Variants in GNAQ observed in about 807,000 individuals in gnomAD.
GNAQ encodes guanine nucleotide-binding protein G(q) subunit alpha.
GNAQ carries 8 observed loss-of-function variants against 43.9 expected under a neutral mutation model. The ratio of observed to expected loss-of-function variants is 0.18; its 90% CI spans 0.11 to 0.33. The LOEUF (loss-of-function observed/expected upper bound fraction) is 0.33. Among genes scored for constraint, GNAQ ranks in the 10% least tolerant of loss-of-function variants. The pLI is 1.00. For missense variants in GNAQ, 158 were observed against 450.8 expected (o/e 0.35, Z 5.88); for synonymous variants, 155 against 170.7 (o/e 0.91, Z 0.71).
chr9:77,839,970 TTTA>T (rs1355378708), intron 2 of GNAQ, among the ~76,000 whole-genome samples: 1 of 152,210 alleles, frequency 6.6e-6, no homozygotes, highest in Non-Finnish European at 1.5e-5. Context: ...TTTGGACTGT[TTTA>T]TTTTCTTCAC....
intron 2 of GNAQ, among the ~76,000 whole-genome samples, chr9:77,871,067 C>A (rs187618807): frequency 3.5e-4 from 53 of 152,250 alleles, no homozygotes; most frequent in Non-Finnish European, 6.6e-4. Context: ...TAACACCTCA[C>A]AGTGTACACT....
At chr9:77,740,379 T>C (rs1435104873) in intron 5 of GNAQ, among the ~76,000 whole-genome samples, 1 of 152,200 alleles carries the variant, frequency 6.6e-6, no homozygotes, top group Non-Finnish European at 1.5e-5. Context: ...CACCAAAGAC[T>C]GTAAGCATAT....
intron 2 of GNAQ, among the ~76,000 whole-genome samples, chr9:77,917,219 A>C (rs2118251465): frequency 6.6e-6 from 1 of 152,352 alleles, no homozygotes; most frequent in South Asian, 2.1e-4. Flanking sequence ...CCAAACCCTG[A>C]GATCCACTCC....
At chr9:77,902,045 C>T (rs952222899) in intron 2 of GNAQ, among the ~76,000 whole-genome samples, 25 of 152,196 alleles carry the variant, frequency 1.6e-4, no homozygotes, top group African/African-American at 5.8e-4. Flanking sequence ...AGGATCTCAA[C>T]ATACAAATTT....
chr9:78,031,788 C>G lies in GNAQ; in HGVS notation c.-553G>C, dbSNP rs1211004919. On this transcript the variant is annotated 5_prime_UTR_variant, in exon 1 of 7. Coordinates refer to ENST00000286548, the MANE Select transcript of GNAQ (RefSeq NM_002072.5). Reference sequence around the variant, plus strand: ...CCCACCGCCCGGCTCGCGCGCAGACCCGGTTCCCGTCCCGCCCGGCAACCG... The same window carrying G: ...CCCACCGCCCGGCTCGCGCGCAGACGCGGTTCCCGTCCCGCCCGGCAACCG... Among the ~76,000 whole-genome samples, 1 of 148,576 alleles carries G rather than the reference C, an allele frequency of 6.7e-6. No individual in the cohort carries two copies. Among genetic ancestry groups the G allele is most frequent in the African/African-American group, 2.4e-5 (1 of 40,948 alleles).
At chr9:77,900,459 G>A (rs961170873) in intron 2 of GNAQ, among the ~76,000 whole-genome samples, 2 of 152,170 alleles carry the variant, frequency 1.3e-5, no homozygotes, top group Admixed American at 6.5e-5. Context: ...CTCACTACCA[G>A]TAAGGCAGGC....
intron 1 of GNAQ, among the ~76,000 whole-genome samples, chr9:77,937,611 G>A (rs1829250043): frequency 6.6e-6 from 1 of 152,090 alleles, no homozygotes; most frequent in Admixed American, 6.5e-5. Context: ...AGAAAAGCTT[G>A]GCCGGGCACA....
chr9:77,825,445 T>C (rs1199383825), intron 2 of GNAQ, among the ~76,000 whole-genome samples: 1 of 152,122 alleles, frequency 6.6e-6, no homozygotes, highest in East Asian at 1.9e-4. Flanking sequence ...CGCCAGACCA[T>C]AGCATGACTA....
At chr9:77,834,293 C>T (rs1052899791) in intron 2 of GNAQ, among the ~76,000 whole-genome samples, 21 of 152,104 alleles carry the variant, frequency 1.4e-4, no homozygotes, top group African/African-American at 5.1e-4. Flanking sequence ...TTCAAGAAGC[C>T]CTGGCTACTG....
intron 1 of GNAQ, among the ~76,000 whole-genome samples, chr9:77,957,026 C>A (rs2118401475): frequency 6.6e-6 from 1 of 152,120 alleles, no homozygotes; most frequent in East Asian, 1.9e-4. Flanking sequence ...AGAGTACAGC[C>A]CGGAACAGAA....
At chr9:77,797,415 C>T (rs917351692) in intron 4 of GNAQ, 105 bp downstream of exon 4, 1 of 823,116 alleles carries the variant, frequency 1.2e-6, no homozygotes, top group Non-Finnish European at 2.1e-6. Flanking sequence ...GGTATAAAGC[C>T]TATCTTGTTT....
intron 5 of GNAQ, among the ~76,000 whole-genome samples, chr9:77,745,954 T>C (rs1825721962): frequency 1.3e-5 from 2 of 152,040 alleles, no homozygotes; most frequent in South Asian, 2.1e-4. Flanking sequence ...CCAAAAGAGA[T>C]CCTTCCTTAA....
intron 2 of GNAQ, among the ~76,000 whole-genome samples, chr9:77,905,804 A>G (rs1415111387): frequency 1.3e-5 from 2 of 152,324 alleles, no homozygotes; most frequent in Non-Finnish European, 2.9e-5. Context: ...GCTGGAAGCC[A>G]TCATCCTCAG....
Position 77,814,858 on chromosome 9 carries a change from A to G in GNAQ, c.476+758T>C, listed in dbSNP as rs552621067. Among the ~76,000 whole-genome samples the G allele has an allele frequency of 5.3e-5, 8 of 152,342 alleles. 1 individual carries two copies. The South Asian group carries it at 1.7e-3, about 32-fold the overall frequency. On this transcript the variant is annotated intron_variant, in intron 3 of 6. Coordinates refer to ENST00000286548, the MANE Select transcript of GNAQ (RefSeq NM_002072.5). Reference sequence around the variant, plus strand: ...ACAGAAACCTGGCTAAATACCACCAAAAGAAAACTCACTATTCAGGTGCCT... The same window carrying G: ...ACAGAAACCTGGCTAAATACCACCAGAAGAAAACTCACTATTCAGGTGCCT...
intron 1 of GNAQ, among the ~76,000 whole-genome samples, chr9:77,922,962 C>T (rs1271865015): frequency 6.6e-6 from 1 of 152,076 alleles, no homozygotes; most frequent in Non-Finnish European, 1.5e-5. Context: ...GATCCTCCCA[C>T]CTCAGCCTCC....
intron 5 of GNAQ, 100 bp downstream of exon 5, chr9:77,794,362 CA>C: frequency 1.3e-6 from 1 of 776,226 alleles, no homozygotes; most frequent in Non-Finnish European, 1.9e-6. Flanking sequence ...TTCAAGAAAG[CA>C]AAGAAGTAAG....
intron 2 of GNAQ, among the ~76,000 whole-genome samples, chr9:77,882,197 T>C (rs910381805): frequency 6.6e-6 from 1 of 152,184 alleles, no homozygotes; most frequent in Non-Finnish European, 1.5e-5. Context: ...TGGCCATAGC[T>C]TTATACATAA....
intron 2 of GNAQ, among the ~76,000 whole-genome samples, chr9:77,819,940 C>T (rs1325042746): frequency 6.6e-6 from 1 of 151,832 alleles, no homozygotes; most frequent in East Asian, 1.9e-4. Flanking sequence ...ATTTAACATC[C>T]TCAACCTCTG....
chr9:77,920,559 C>T (rs999406872), intron 2 of GNAQ, among the ~76,000 whole-genome samples: 1 of 152,104 alleles, frequency 6.6e-6, no homozygotes, highest in Non-Finnish European at 1.5e-5. Context: ...AGCATGCTAA[C>T]GATTTCAGAA....
Sources: allele counts gnomAD v4.1 joint callset (sites outside exome capture counted in the v4.1 genomes callset), GRCh38; gene constraint gnomAD v4.1.1; transcripts MANE v1.5; gene names NCBI Gene and HGNC (gene_info 2026-07-23, HGNC 2026-07-21).